The following FMN2 variants were observed in gnomAD, a reference collection of about 807,000 sequenced individuals.
FMN2 encodes the protein formin-2.
Under a neutral mutation model 142.3 loss-of-function variants are expected in FMN2, and 51 were observed. The ratio of observed to expected loss-of-function variants is 0.36; its 90% CI spans 0.29 to 0.45. The LOEUF is 0.45. Among genes scored for constraint, FMN2 ranks in the 20% least tolerant of loss-of-function variants. The pLI, the probability that FMN2 is intolerant of heterozygous loss-of-function variation, is 1.00. For missense variants in FMN2, 1,936 were observed against 2,122.8 expected (o/e 0.91, Z 1.73); for synonymous variants, 882 against 869.8 (o/e 1.01, Z -0.25).
intron 11 of FMN2, among the ~76,000 whole-genome samples, chr1:240,333,297 CAT>C (rs1468913107): frequency 6.6e-6 from 1 of 152,118 alleles, no homozygotes; most frequent in Non-Finnish European, 1.5e-5. Flanking sequence ...TTTATAACCA[CAT>C]GAGTGTTAAC....
intron 14 of FMN2, among the ~76,000 whole-genome samples, chr1:240,387,974 G>A (rs1306162069): frequency 3.3e-5 from 5 of 151,810 alleles, no homozygotes; most frequent in South Asian, 2.1e-4. Context: ...TCAGGAGATC[G>A]AGACCATCCT....
chr1:240,198,144 A>G (rs1665984176), intron 4 of FMN2, among the ~76,000 whole-genome samples: 1 of 152,184 alleles, frequency 6.6e-6, no homozygotes, highest in African/African-American at 2.4e-5. Flanking sequence ...GCATTACTTG[A>G]GACAATTAAG....
intron 2 of FMN2, among the ~76,000 whole-genome samples, chr1:240,163,521 T>G (rs1340974500): frequency 2.0e-5 from 3 of 152,198 alleles, no homozygotes; most frequent in African/African-American, 7.2e-5. Context: ...TATACTTGCC[T>G]TCTTTAGTTT....
chr1:240,286,903 G>A (rs910254293), intron 7 of FMN2, among the ~76,000 whole-genome samples: 3 of 152,098 alleles, frequency 2.0e-5, no homozygotes, highest in Non-Finnish European at 2.9e-5. Flanking sequence ...GCTCTACCTT[G>A]TGCTTTTATT....
At chr1:240,407,609 C>T (rs980226101) in intron 15 of FMN2, among the ~76,000 whole-genome samples, 2 of 152,164 alleles carry the variant, frequency 1.3e-5, no homozygotes, top group African/African-American at 4.8e-5. Flanking sequence ...AATGTGATCA[C>T]ATGATATTTT....
intron 1 of FMN2, among the ~76,000 whole-genome samples, chr1:240,113,862 A>T (rs1366395101): frequency 6.6e-6 from 1 of 152,028 alleles, no homozygotes. Context: ...TCTTTAATAA[A>T]CTGTGTTCGT....
At chr1:240,244,163 C>T (rs1356957847) in intron 6 of FMN2, among the ~76,000 whole-genome samples, 1 of 152,166 alleles carries the variant, frequency 6.6e-6, no homozygotes. Flanking sequence ...TTAATGTCCA[C>T]TTTTCAGCAA....
At chr1:240,161,660 C>G (rs992182775) in intron 2 of FMN2, among the ~76,000 whole-genome samples, 1 of 152,132 alleles carries the variant, frequency 6.6e-6, no homozygotes, top group African/African-American at 2.4e-5. Context: ...ACAGAGTCAC[C>G]TAACAGACTC....
Position 240,434,279 on chromosome 1 carries a change from G to A in FMN2, c.4911-3782G>A, listed in dbSNP as rs972667891. ...TCCTAGGTAAGATGTCTGTCTTTTT[G>A]TAGTGAATCCTGTATTGGTATATGG... On this transcript the variant is annotated intron_variant, in intron 15 of 17. Transcript: ENST00000319653. Among the ~76,000 whole-genome samples the A allele has an allele frequency of 2.0e-5, 3 of 152,150 alleles. No individual in the cohort carries two copies. The South Asian group carries it at 6.2e-4, about 32-fold the overall frequency.
At chr1:240,286,788 C>T (rs2102946905) in intron 7 of FMN2, among the ~76,000 whole-genome samples, 1 of 152,262 alleles carries the variant, frequency 6.6e-6, no homozygotes, top group Non-Finnish European at 1.5e-5. Flanking sequence ...TTAGGTGATG[C>T]TATTAAGATT....
intron 13 of FMN2, among the ~76,000 whole-genome samples, chr1:240,339,758 A>G (rs1250793846): frequency 2.0e-5 from 3 of 152,204 alleles, no homozygotes; most frequent in East Asian, 1.9e-4. Context: ...GAATTATGCA[A>G]CTGGGATTAT....
intron 6 of FMN2, among the ~76,000 whole-genome samples, chr1:240,221,849 CT>C (rs34473197): frequency 0.33 from 37,652 of 114,910 alleles, 6,173 homozygotes; most frequent in African/African-American, 0.48. Context: ...CTTCTAGGGA[CT>C]TTTTTTTTTT....
At chr1:240,169,565 C>T (rs1480558401) in intron 2 of FMN2, among the ~76,000 whole-genome samples, 1 of 152,186 alleles carries the variant, frequency 6.6e-6, no homozygotes, top group African/African-American at 2.4e-5. Flanking sequence ...CCCCCGGGCT[C>T]ATGCATTCCT....
At chr1:240,227,288 G>A (rs1015599674) in intron 6 of FMN2, among the ~76,000 whole-genome samples, 1 of 152,156 alleles carries the variant, frequency 6.6e-6, no homozygotes, top group Non-Finnish European at 1.5e-5. Context: ...GTTGAAAGAA[G>A]TTAAGGAGGA....
chr1:240,322,891 G>C (rs150704151), intron 8 of FMN2, among the ~76,000 whole-genome samples: 1 of 152,116 alleles, frequency 6.6e-6, no homozygotes, highest in Non-Finnish European at 1.5e-5. Flanking sequence ...TAATTTTTTT[G>C]TCTATGTCAT....
At chr1:240,211,016 T>C (rs1489014250) in intron 5 of FMN2, 75 bp from the exon 6 acceptor site, 2 of 1,423,184 alleles carry the variant, frequency 1.4e-6, no homozygotes, top group Non-Finnish European at 1.9e-6. Context: ...CCTCCCCTTC[T>C]TCCTTTCTAT....
chr1:240,238,214 T>C (rs1238430759), intron 6 of FMN2, among the ~76,000 whole-genome samples: 1 of 152,222 alleles, frequency 6.6e-6, no homozygotes, highest in Non-Finnish European at 1.5e-5. Flanking sequence ...TAAAATAAGG[T>C]AATGATGATT....
At chr1:240,226,322 C>A (rs915154191) in intron 6 of FMN2, among the ~76,000 whole-genome samples, 2 of 152,098 alleles carry the variant, frequency 1.3e-5, no homozygotes, top group East Asian at 1.9e-4. Context: ...TACAAGGGAA[C>A]CCCAATAATA....
chr1:240,305,825 T>G (rs1169220152), intron 8 of FMN2, among the ~76,000 whole-genome samples: 1 of 152,194 alleles, frequency 6.6e-6, no homozygotes, highest in Non-Finnish European at 1.5e-5. Flanking sequence ...ATAAGAATTA[T>G]TACATGAAAA....
Sources: allele counts gnomAD v4.1 joint callset (sites outside exome capture counted in the v4.1 genomes callset), GRCh38; gene constraint gnomAD v4.1.1; transcripts MANE v1.5; gene names NCBI Gene and HGNC (gene_info 2026-07-23, HGNC 2026-07-21).